CADPS2: variants seen among roughly 807,000 people sequenced by gnomAD.
CADPS2 encodes the protein calcium-dependent secretion activator 2.
Under a neutral mutation model 172.5 loss-of-function variants are expected in CADPS2, and 93 were observed. The ratio of observed to expected loss-of-function variants is 0.54; its 90% confidence interval spans 0.46 to 0.64. The LOEUF (loss-of-function observed/expected upper bound fraction) is 0.64, where lower values mean the gene tolerates loss of function less well. CADPS2 is among the 30% of genes least tolerant of loss of function. The probability of loss-of-function intolerance (pLI) is 0.00; values close to 1 mark genes in which losing one functional copy is unlikely to be tolerated. For missense variants in CADPS2, 1,420 were observed against 1,565.9 expected (o/e 0.91, Z 1.57); for synonymous variants, 546 against 555.2 (o/e 0.98, Z 0.23).
At chr7:122,394,109 T>G (rs779363218) in intron 20 of CADPS2, among the ~76,000 whole-genome samples, 1 of 152,208 alleles carries the variant, frequency 6.6e-6, no homozygotes, top group Admixed American at 6.5e-5. Context: ...TTATAGTTAT[T>G]TGTGGATTTT....
chr7:122,794,509 G>A (rs953232478), intron 1 of CADPS2, among the ~76,000 whole-genome samples: 2 of 151,580 alleles, frequency 1.3e-5, no homozygotes, highest in African/African-American at 4.8e-5. Flanking sequence ...CAACTCCCAC[G>A]CAATAATAGT....
intron 2 of CADPS2, among the ~76,000 whole-genome samples, chr7:122,664,020 C>G (rs2080901480): frequency 7.2e-6 from 1 of 138,684 alleles, no homozygotes; most frequent in Non-Finnish European, 1.5e-5. Flanking sequence ...TTGGACTTCC[C>G]AAGCCTCCAG....
chr7:122,815,453 G>T (rs2140242842), intron 1 of CADPS2, among the ~76,000 whole-genome samples: 1 of 152,124 alleles, frequency 6.6e-6, no homozygotes, highest in South Asian at 2.1e-4. Flanking sequence ...TCCACAATTT[G>T]TAACAAAAGA....
At chr7:122,712,373 A>G (rs2088885702) in intron 2 of CADPS2, among the ~76,000 whole-genome samples, 1 of 152,180 alleles carries the variant, frequency 6.6e-6, no homozygotes, top group African/African-American at 2.4e-5. Flanking sequence ...AGCACAATCT[A>G]AGAACCATCT....
In CADPS2 at chr7:122,621,711, T is replaced by C. The variant is rs1322181508; in HGVS notation, c.874A>G (p.Lys292Glu). 1 of 1,558,996 alleles carries C rather than the reference T, an allele frequency of 6.4e-7. No individual in the cohort carries two copies. The change falls in exon 5 of 30, where the codon AAA (lysine) becomes GAA (glutamate). Residue 292 changes from lysine to glutamate, a missense_variant. Physicochemically the swap from Lys to Glu is moderately conservative, Grantham distance 56. Transcript: ENST00000449022. ...QLADKMAKER[K>E]FPKFIAKDME... ...TCTTTTGCTATAAATTTGGGGAATT[T>C]TCTTTCCTTGAAAATAATTTTTAAA... is the stretch of plus-strand genomic sequence containing the variant.
At chr7:122,641,787 C>T (rs1036364322) in intron 3 of CADPS2, among the ~76,000 whole-genome samples, 20 of 151,612 alleles carry the variant, frequency 1.3e-4, no homozygotes, top group African/African-American at 4.4e-4. Flanking sequence ...TCTATACCTA[C>T]AGTACAGCAT....
intron 13 of CADPS2, among the ~76,000 whole-genome samples, chr7:122,473,863 T>C (rs920075693): frequency 2.6e-5 from 4 of 152,314 alleles, no homozygotes; most frequent in Admixed American, 6.5e-5. Flanking sequence ...ATTCAAGTTA[T>C]ACTTTGGATG....
At chr7:122,570,114 A>C (rs886551051) in intron 7 of CADPS2, among the ~76,000 whole-genome samples, 1 of 149,806 alleles carries the variant, frequency 6.7e-6, no homozygotes, top group Admixed American at 6.7e-5. Flanking sequence ...AATGGGAGAA[A>C]ATTTTCGCAA....
intron 3 of CADPS2, among the ~76,000 whole-genome samples, chr7:122,645,517 T>A (rs868413729): frequency 8.3e-4 from 50 of 60,136 alleles, no homozygotes; most frequent in African/African-American, 3.6e-3. Flanking sequence ...TATATACTTA[T>A]ATATATATAA....
intron 1 of CADPS2, among the ~76,000 whole-genome samples, chr7:122,836,350 G>T (rs1199375626): frequency 6.6e-6 from 1 of 151,968 alleles, no homozygotes; most frequent in African/African-American, 2.4e-5. Flanking sequence ...GACCACCGAG[G>T]CTGGGAAGAA....
At chr7:122,494,943 T>C (rs1278749717) in intron 9 of CADPS2, among the ~76,000 whole-genome samples, 1 of 151,930 alleles carries the variant, frequency 6.6e-6, no homozygotes, top group Non-Finnish European at 1.5e-5. Flanking sequence ...TTAAAAGGTA[T>C]AATTGTGTGG....
chr7:122,848,341 T>C (rs1383077517), intron 1 of CADPS2, among the ~76,000 whole-genome samples: 1 of 152,040 alleles, frequency 6.6e-6, no homozygotes, highest in Non-Finnish European at 1.5e-5. Context: ...TCTCCTCAAT[T>C]TCAAAGGAAA....
chr7:122,469,874 G>T lies in CADPS2; in HGVS notation c.2186+1501C>A, dbSNP rs1235920242. Among the ~76,000 whole-genome samples the T allele has an allele frequency of 4.7e-4, 72 of 152,076 alleles. 2 individuals are homozygous for T. Among genetic ancestry groups the T allele is most frequent in the Non-Finnish European group, 2.9e-5 (2 of 67,994 alleles). The stretch of plus-strand genomic sequence containing the variant: ...ACACATCTAGCACATAAGTATATAT[G>T]ACAAAGGTAATGAGATAAGTACAGA... On this transcript the variant is annotated intron_variant, in intron 14 of 29. Coordinates refer to ENST00000449022, the MANE Select transcript of CADPS2 (RefSeq NM_017954.11).
At chr7:122,752,297 A>G (rs1488398228) in intron 1 of CADPS2, among the ~76,000 whole-genome samples, 3 of 152,208 alleles carry the variant, frequency 2.0e-5, no homozygotes, top group Non-Finnish European at 2.9e-5. Flanking sequence ...AAATTATAGA[A>G]TAACTCAAAA....
At chr7:122,523,042 T>TATC (rs2060936864) in intron 8 of CADPS2, among the ~76,000 whole-genome samples, 2 of 152,316 alleles carry the variant, frequency 1.3e-5, no homozygotes, top group South Asian at 4.1e-4. Context: ...GAGGTACAGG[T>TATC]ATCTCTTTGA....
At chr7:122,523,107 C>T (rs1287537123) in intron 8 of CADPS2, among the ~76,000 whole-genome samples, 1 of 152,076 alleles carries the variant, frequency 6.6e-6, no homozygotes, top group African/African-American at 2.4e-5. Flanking sequence ...ATTGTTGGAT[C>T]ACATGATAGT....
chr7:122,574,807 A>T (rs2067776328), intron 7 of CADPS2, among the ~76,000 whole-genome samples: 1 of 152,192 alleles, frequency 6.6e-6, no homozygotes, highest in Non-Finnish European at 1.5e-5. Flanking sequence ...TAAATCTATG[A>T]ATCTTTAGCT....
chr7:122,366,538 G>C (rs928803620), intron 25 of CADPS2, among the ~76,000 whole-genome samples: 5 of 150,684 alleles, frequency 3.3e-5, no homozygotes, highest in East Asian at 3.9e-4. Flanking sequence ...CTGGGAGATG[G>C]AGGTTGAAGT....
At chr7:122,818,508 G>A (rs1409489442) in intron 1 of CADPS2, among the ~76,000 whole-genome samples, 1 of 151,992 alleles carries the variant, frequency 6.6e-6, no homozygotes, top group Non-Finnish European at 1.5e-5. Context: ...CCTCCCGCCT[G>A]TCCCCTCAGT....
Sources: allele counts gnomAD v4.1 joint callset (sites outside exome capture counted in the v4.1 genomes callset), GRCh38; gene constraint gnomAD v4.1.1; transcripts MANE v1.5; gene names NCBI Gene and HGNC (gene_info 2026-07-23, HGNC 2026-07-21).